The following ADARB2 variants were observed in gnomAD, a reference collection of about 807,000 sequenced individuals.
ADARB2 encodes the protein inactive double-stranded RNA-specific editase B2.
ADARB2 carries 25 observed loss-of-function variants against 62.2 expected under a neutral mutation model. The ratio of observed to expected loss-of-function variants is 0.40; its 90% CI spans 0.29 to 0.56. The LOEUF is 0.56. Among genes scored for constraint, ADARB2 ranks in the 20% least tolerant of loss-of-function variants. The pLI is 0.43. For synonymous variants in ADARB2, 572 were observed against 500.8 expected (o/e 1.14, Z -1.90); for missense variants, 1,071 against 1,077.4 (o/e 0.99, Z 0.08).
intron 1 of ADARB2, among the ~76,000 whole-genome samples, chr10:1,713,458 C>T (rs553332473): frequency 3.3e-5 from 5 of 152,294 alleles, no homozygotes; most frequent in Non-Finnish European, 7.4e-5. Flanking sequence ...GGGAAAGGAG[C>T]CCAGTGCACT....
rs185144005 is a variant in ADARB2 at position 1,686,791 on chromosome 10, T to C, written c.100+50260A>G. On this transcript the variant is annotated intron_variant, in intron 1 of 9. Transcript: ENST00000381312. The stretch of plus-strand genomic sequence containing the variant: ...TTAATTAAGGATACTATTATAAGTA[T>C]CATATTAACATTAACAAATGTTTAT... 1.5e-3 allele frequency among the ~76,000 whole-genome samples: 232 copies of C among 152,346 alleles called. 1 individual carries two copies. The highest frequency in any genetic ancestry group is 2.3e-3 in the Non-Finnish European group (157 of 68,028).
chr10:1,373,880 G>T (rs111534602), intron 2 of ADARB2, among the ~76,000 whole-genome samples: 1 of 136,734 alleles, frequency 7.3e-6, no homozygotes, highest in African/African-American at 2.5e-5. Context: ...TAGTGAAACC[G>T]CGTGGGCTCC....
chr10:1,216,492 C>CG (rs1176319602), intron 7 of ADARB2: 1 of 166,532 alleles, frequency 6.0e-6, no homozygotes, highest in Non-Finnish European at 1.3e-5. Context: ...GACAATATCT[C>CG]GGGATGGTAG....
At chr10:1,733,745 A>G (rs1835263308) in intron 1 of ADARB2, among the ~76,000 whole-genome samples, 1 of 152,232 alleles carries the variant, frequency 6.6e-6, no homozygotes, top group South Asian at 2.1e-4. Flanking sequence ...ATATAACCAC[A>G]TAATATGGAT....
At chr10:1,607,687 GC>G (rs1001032712) in intron 1 of ADARB2, among the ~76,000 whole-genome samples, 9 of 152,222 alleles carry the variant, frequency 5.9e-5, no homozygotes, top group African/African-American at 2.2e-4. Context: ...CCTGCCCGCA[GC>G]GACATGCATA....
chr10:1,371,560 C>T (rs113581991), intron 2 of ADARB2, among the ~76,000 whole-genome samples: 2,823 of 152,146 alleles, frequency 0.019, 38 homozygotes, highest in Middle Eastern at 0.034. Context: ...CTCTGACAAA[C>T]GGCTAATATC....
At chr10:1,726,637 C>A (rs1490175360) in intron 1 of ADARB2, among the ~76,000 whole-genome samples, 1 of 152,212 alleles carries the variant, frequency 6.6e-6, no homozygotes, top group Non-Finnish European at 1.5e-5. Flanking sequence ...TCGGTTTCCC[C>A]AGCTGCCTGG....
chr10:1,577,190 C>T (rs1378342499), intron 1 of ADARB2, among the ~76,000 whole-genome samples: 1 of 151,432 alleles, frequency 6.6e-6, no homozygotes, highest in Admixed American at 6.6e-5. Context: ...CAGTGATACC[C>T]TCATGCACAC....
intron 2 of ADARB2, among the ~76,000 whole-genome samples, chr10:1,367,187 G>A (rs1192932360): frequency 2.6e-5 from 4 of 152,246 alleles, no homozygotes; most frequent in African/African-American, 9.6e-5. Context: ...GTTGCGCGCT[G>A]CCTGCCCGTT....
chr10:1,573,939 C>T (rs1340374298), intron 1 of ADARB2, among the ~76,000 whole-genome samples: 1 of 152,250 alleles, frequency 6.6e-6, no homozygotes, highest in African/African-American at 2.4e-5. Flanking sequence ...AACCCTCCAT[C>T]TGTCATGAAC....
chr10:1,669,324 G>A lies in ADARB2; in HGVS notation c.100+67727C>T, dbSNP rs575714551. Among the ~76,000 whole-genome samples the A allele has an allele frequency of 1.6e-4, 24 of 152,254 alleles. No homozygotes were observed. In the South Asian group the frequency reaches 2.3e-3, roughly 14 times the overall value. ...GGGAACAGAGGTCTCAGAGTCAGCC[G>A]ATCCCGAGGACTTGAAAGTCAGGCT... On this transcript the variant is annotated intron_variant, in intron 1 of 9. Transcript: ENST00000381312.
At chr10:1,270,175 CCA>C (rs1564242117) in intron 4 of ADARB2, among the ~76,000 whole-genome samples, 1 of 152,160 alleles carries the variant, frequency 6.6e-6, no homozygotes, top group Non-Finnish European at 1.5e-5. Flanking sequence ...GAGAACCATG[CCA>C]GTCATTTGGT....
chr10:1,430,598 G>A (rs1298186204), intron 1 of ADARB2, among the ~76,000 whole-genome samples: 3 of 152,194 alleles, frequency 2.0e-5, no homozygotes, highest in Admixed American at 6.5e-5. Flanking sequence ...TCAGTAGCCA[G>A]GTGTGGCGGC....
In ADARB2 at chr10:1,446,659, C is replaced by G. The variant is rs76658987; in HGVS notation, c.101-67499G>C. On this transcript the variant is annotated intron_variant, in intron 1 of 9. Coordinates refer to ENST00000381312, the MANE Select transcript of ADARB2 (RefSeq NM_018702.4). The stretch of plus-strand genomic sequence containing the variant: ...ATAGCTGTGCTCCTCAGGGCAGTCA[C>G]TTGAACTCTGTGTGCCAGTTTTCAT... Among the ~76,000 whole-genome samples, 414 of 152,332 alleles carry G rather than the reference C, an allele frequency of 2.7e-3. 2 individuals are homozygous for G. The highest frequency in any genetic ancestry group is 0.017 in the South Asian group (80 of 4,824).
At chr10:1,709,849 T>G (rs1473979452) in intron 1 of ADARB2, among the ~76,000 whole-genome samples, 1 of 152,210 alleles carries the variant, frequency 6.6e-6, no homozygotes, top group Non-Finnish European at 1.5e-5. Flanking sequence ...CATTTCAGCA[T>G]GAAATTTGTT....
intron 3 of ADARB2, among the ~76,000 whole-genome samples, chr10:1,275,647 TCCCTCCC>T (rs1164292625): frequency 8.5e-6 from 1 of 117,786 alleles, no homozygotes; most frequent in Non-Finnish European, 1.7e-5. Flanking sequence ...CCTAATGCTA[TCCCTCCC>T]CCCTCCCCCC....
intron 1 of ADARB2, among the ~76,000 whole-genome samples, chr10:1,515,829 C>T (rs1832001929): frequency 6.6e-6 from 1 of 151,994 alleles, no homozygotes; most frequent in African/African-American, 2.4e-5. Flanking sequence ...TCTCACTCAG[C>T]CGATTTGTGA....
At chr10:1,593,329 C>T (rs11250654) in intron 1 of ADARB2, among the ~76,000 whole-genome samples, 14,059 of 120,980 alleles carry the variant, frequency 0.12, 1,895 homozygotes, top group Non-Finnish European at 0.15. Context: ...CCCAGCTCCC[C>T]TGGCCCAAAC....
At chr10:1,261,646 G>A (rs1374365646) in intron 4 of ADARB2, among the ~76,000 whole-genome samples, 3 of 149,594 alleles carry the variant, frequency 2.0e-5, no homozygotes, top group African/African-American at 7.7e-5. Flanking sequence ...GAAACAACAG[G>A]TGCTGGAGAG....
Sources: allele counts gnomAD v4.1 joint callset (sites outside exome capture counted in the v4.1 genomes callset), GRCh38; gene constraint gnomAD v4.1.1; transcripts MANE v1.5; gene names NCBI Gene and HGNC (gene_info 2026-07-23, HGNC 2026-07-21).